The following ANGPT4 variants were observed in gnomAD, a reference collection of about 807,000 sequenced individuals.
ANGPT4 encodes the protein angiopoietin-4.
ANGPT4 carries 50 observed loss-of-function variants against 53.0 expected under a neutral mutation model. That is an observed-to-expected ratio of 0.94 (90% CI 0.75 to 1.20). ANGPT4 has a LOEUF of 1.20. Among genes scored for constraint, ANGPT4 ranks in the 50% most tolerant of loss-of-function variants. The probability of loss-of-function intolerance (pLI) is 0.00; values close to 1 mark genes in which losing one functional copy is unlikely to be tolerated. For synonymous variants in ANGPT4, 251 were observed against 259.7 expected (o/e 0.97, Z 0.32); for missense variants, 648 against 637.1 (o/e 1.02, Z -0.18).
At chr20:874,207 G>C (rs1981065700) in intron 8 of ANGPT4, 77 bp downstream of exon 8, 1 of 1,583,352 alleles carries the variant, frequency 6.3e-7, no homozygotes, top group Non-Finnish European at 8.6e-7. Flanking sequence ...GGGCGCACAA[G>C]AACCTGGGGA....
At chr20:900,399 AC>A (rs1472916975) in intron 1 of ANGPT4, among the ~76,000 whole-genome samples, 1 of 152,110 alleles carries the variant, frequency 6.6e-6, no homozygotes, top group African/African-American at 2.4e-5. Context: ...GGTACAAGAA[AC>A]CTTTAGTACT....
chr20:907,063 C>G (rs536570575), intron 1 of ANGPT4, among the ~76,000 whole-genome samples: 5 of 152,350 alleles, frequency 3.3e-5, no homozygotes, highest in Non-Finnish European at 7.3e-5. Context: ...ATGAGTTTCT[C>G]TGAACCTCAG....
chr20:888,464 A>T, intron 2 of ANGPT4, 25 bp from the exon 3 acceptor site: 1 of 1,604,794 alleles, frequency 6.2e-7, no homozygotes, highest in Non-Finnish European at 8.5e-7. Flanking sequence ...AGAAGCAGGT[A>T]GGGGGCTGCG....
rs869171 is a variant in ANGPT4 at position 878,198 on chromosome 20, C to T, written c.1183G>A (p.Glu395Lys). 9,160 of 1,606,624 alleles carry T rather than the reference C, an allele frequency of 5.7e-3. 161 individuals carry two copies. Among genetic ancestry groups the T allele is most frequent in the African/African-American group, 0.032 (2,434 of 74,928 alleles). ...WEGHEAYAQY[E>K]HFHLGSENQL... Reference sequence around the variant, plus strand: ...TTCTCACTGCCCAGGTGGAAATGTTCGTACTGGGCATAGGCCTCGTGGCCT... The same window carrying T: ...TTCTCACTGCCCAGGTGGAAATGTTTGTACTGGGCATAGGCCTCGTGGCCT... The change falls in exon 7 of 9, where the codon GAA (glutamate) becomes AAA (lysine). Residue 395 changes from glutamate (E) to lysine (K), a missense_variant. Coordinates refer to ENST00000381922, the MANE Select transcript of ANGPT4 (RefSeq NM_015985.4).
chr20:904,024 T>C (rs1982386827), intron 1 of ANGPT4, among the ~76,000 whole-genome samples: 1 of 152,208 alleles, frequency 6.6e-6, no homozygotes, highest in Admixed American at 6.5e-5. Context: ...GGTGCAGACG[T>C]ATGAAAATCT....
chr20:874,918 C>T (rs1467096958), intron 7 of ANGPT4, among the ~76,000 whole-genome samples: 3 of 152,108 alleles, frequency 2.0e-5, no homozygotes, highest in African/African-American at 7.2e-5. Flanking sequence ...TAGGGTCTCA[C>T]TATGTTGCCC....
intron 4 of ANGPT4, among the ~76,000 whole-genome samples, chr20:881,834 G>A (rs1012708549): frequency 6.6e-6 from 1 of 152,216 alleles, no homozygotes; most frequent in African/African-American, 2.4e-5. Context: ...GGGGGGCCTG[G>A]AGGGGATGAG....
intron 1 of ANGPT4, among the ~76,000 whole-genome samples, chr20:904,402 G>A (rs978837783): frequency 1.4e-4 from 21 of 152,192 alleles, no homozygotes; most frequent in African/African-American, 4.8e-4. Flanking sequence ...AGGTAGACTT[G>A]CCTCAGCATT....
rs1223860529 is a variant in ANGPT4 at position 911,965 on chromosome 20, C to T, written c.309+3941G>A. Reference sequence around the variant, plus strand: ...CCCAGGCCAGCAGCTGCTGGCTGCTCCCTAAAGGTGAGAAAGTAGTTCTCA... The same window carrying T: ...CCCAGGCCAGCAGCTGCTGGCTGCTTCCTAAAGGTGAGAAAGTAGTTCTCA... On this transcript the variant is annotated intron_variant, in intron 1 of 8. Coordinates refer to ENST00000381922, the MANE Select transcript of ANGPT4 (RefSeq NM_015985.4). The surrounding 1 kb of genome is among the most constrained non-coding windows in gnomAD (Gnocchi z 4.9). 6.6e-6 allele frequency among the ~76,000 whole-genome samples: 1 copy of T among 152,006 alleles called. No individual in the cohort carries two copies. Among genetic ancestry groups the T allele is most frequent in the Non-Finnish European group, 1.5e-5 (1 of 68,002 alleles).
At chr20:881,042 G>A in intron 5 of ANGPT4, 129 bp downstream of exon 5, 1 of 726,470 alleles carries the variant, frequency 1.4e-6, no homozygotes, top group East Asian at 3.0e-5. Flanking sequence ...GGAAGTCAAA[G>A]CCACCCCTAC....
chr20:906,290 C>T (rs1293336331), intron 1 of ANGPT4, among the ~76,000 whole-genome samples: 1 of 152,128 alleles, frequency 6.6e-6, no homozygotes, highest in South Asian at 2.1e-4. Context: ...GGAACTGAGG[C>T]CTTCTACTCA....
rs753774938 is a variant in ANGPT4, at chr20:911,163, G to A, written c.309+4743C>T. Among the ~76,000 whole-genome samples the A allele has an allele frequency of 3.3e-5, 5 of 152,112 alleles. No homozygotes were observed. The highest frequency in any genetic ancestry group is 2.1e-4 in the South Asian group (1 of 4,832). On this transcript the variant is annotated intron_variant, in intron 1 of 8. Transcript: ENST00000381922. The surrounding 1 kb of genome is among the most constrained non-coding windows in gnomAD (Gnocchi z 4.9). ...TTGGGAGGGTCTCAGGCTGGGCAAG[G>A]ACCCCACCCTGGGTTCCTCCTTGGT...
intron 2 of ANGPT4, 104 bp downstream of exon 2, chr20:890,109 C>T: frequency 7.0e-7 from 1 of 1,423,378 alleles, no homozygotes; most frequent in Non-Finnish European, 9.5e-7. Context: ...CCAGAGGAGG[C>T]CTTGACCCTA....
intron 1 of ANGPT4, among the ~76,000 whole-genome samples, chr20:903,603 C>T (rs1982367840): frequency 6.6e-6 from 1 of 152,192 alleles, no homozygotes; most frequent in Non-Finnish European, 1.5e-5. Flanking sequence ...ACCAGGACTC[C>T]TTGCAGATTC....
At position 888,196 on chromosome 20, in the gene ANGPT4, G is replaced by A. The variant is rs905651822; in HGVS notation, c.587+122C>T. On this transcript the variant is annotated intron_variant, in intron 3 of 8. Coordinates refer to ENST00000381922, the MANE Select transcript of ANGPT4 (RefSeq NM_015985.4). ...GGCCCTATCCCAGACACCAGCCCAC[G>A]TCCAGCTTCCGGTCCTGGCTCCAGC... 1.5e-5 allele frequency: 20 copies of A among 1,348,526 alleles called. No individual in the cohort carries two copies. The African/African-American group carries it at 1.8e-4, about 12-fold the overall frequency. 83.5% of individuals were successfully genotyped at this position (1,348,526 alleles called of 1,614,324 possible). A position where few individuals can be genotyped will look rare whatever the true frequency, so the allele number is the denominator to read the frequency against.
At position 914,682 on chromosome 20, in the gene ANGPT4, A is replaced by G. The variant is rs11697918; in HGVS notation, c.309+1224T>C. On this transcript the variant is annotated intron_variant, in intron 1 of 8. Transcript: ENST00000381922. The surrounding 1 kb of genome is among the most constrained non-coding windows in gnomAD (Gnocchi z 5.0). ...ATCCTTCATTCCTCAGTCATCGCCC[A>G]GACTGTCTCCTGGGTCCCTCTCCCT... 0.55 allele frequency among the ~76,000 whole-genome samples: 83,668 copies of G among 151,824 alleles called. 23,267 individuals are homozygous for G. Among genetic ancestry groups the G allele is most frequent in the South Asian group, 0.69 (3,326 of 4,806 alleles).
intron 1 of ANGPT4, among the ~76,000 whole-genome samples, chr20:897,369 T>C (rs2122830096): frequency 6.6e-6 from 1 of 152,330 alleles, no homozygotes; most frequent in South Asian, 2.1e-4. Flanking sequence ...CAATTTCAAA[T>C]TGAGTAAACG....
At chr20:901,867 A>G (rs1176058897) in intron 1 of ANGPT4, among the ~76,000 whole-genome samples, 1 of 152,230 alleles carries the variant, frequency 6.6e-6, no homozygotes. Flanking sequence ...AGCTCTGATC[A>G]TGCCACTGCT....
intron 1 of ANGPT4, among the ~76,000 whole-genome samples, chr20:903,087 C>T (rs1358443993): frequency 6.6e-6 from 1 of 152,142 alleles, no homozygotes; most frequent in South Asian, 2.1e-4. Flanking sequence ...AGTGGTGCTT[C>T]CCTCACCCAG....
Sources: allele counts gnomAD v4.1 joint callset (sites outside exome capture counted in the v4.1 genomes callset), GRCh38; gene constraint gnomAD v4.1.1; non-coding constraint Gnocchi (gnomAD v3.1); transcripts MANE v1.5; gene names NCBI Gene and HGNC (gene_info 2026-07-23, HGNC 2026-07-21).